Variants in RAD51B observed in about 807,000 individuals in gnomAD.
RAD51B encodes RAD51 paralog B.
RAD51B carries 38 observed loss-of-function variants against 42.2 expected under a neutral mutation model. The observed-to-expected ratio is 0.90, with a 90% CI of 0.70 to 1.18. The LOEUF is 1.18. Ranked by LOEUF, RAD51B falls within the 50% of genes most tolerant of loss-of-function variation. The probability of loss-of-function intolerance (pLI) is 0.00; values close to 1 mark genes in which losing one functional copy is unlikely to be tolerated. For synonymous variants in RAD51B, 154 were observed against 145.2 expected (o/e 1.06, Z -0.43); for missense variants, 373 against 400.7 (o/e 0.93, Z 0.59).
chr14:68,157,714 T>C (rs1346464036), intron 7 of RAD51B, among the ~76,000 whole-genome samples: 2 of 152,224 alleles, frequency 1.3e-5, no homozygotes, highest in Non-Finnish European at 2.9e-5. Flanking sequence ...AAAACAATAA[T>C]AATGGCAATA....
At chr14:68,101,672 C>T (rs924884296) in intron 7 of RAD51B, among the ~76,000 whole-genome samples, 1 of 152,236 alleles carries the variant, frequency 6.6e-6, no homozygotes, top group African/African-American at 2.4e-5. Context: ...AGGGTACAGC[C>T]TCCCTCCCAG....
chr14:68,488,052 G>A (rs950677731), intron 10 of RAD51B, among the ~76,000 whole-genome samples: 3 of 152,136 alleles, frequency 2.0e-5, no homozygotes, highest in African/African-American at 7.2e-5. Flanking sequence ...TGGGGAGGGT[G>A]CATGAGACAG....
At chr14:68,554,871 G>A (rs1197413993) in intron 10 of RAD51B, among the ~76,000 whole-genome samples, 1 of 98,648 alleles carries the variant, frequency 1.0e-5, no homozygotes, top group South Asian at 3.2e-4. Context: ...TTTTTTTTTT[G>A]AGACTCTCAC....
chr14:67,939,977 A>ATAT (rs529025837), intron 7 of RAD51B, among the ~76,000 whole-genome samples: 83 of 140,304 alleles, frequency 5.9e-4, no homozygotes, highest in African/African-American at 2.1e-3. Context: ...ATATATATAT[A>ATAT]AAAAAATAAA....
chr14:68,047,932 C>T (rs984430200), intron 7 of RAD51B, among the ~76,000 whole-genome samples: 1 of 151,774 alleles, frequency 6.6e-6, no homozygotes, highest in East Asian at 1.9e-4. Flanking sequence ...TATTTTTAAC[C>T]GAAATGTTAT....
intron 7 of RAD51B, among the ~76,000 whole-genome samples, chr14:68,279,289 C>T (rs1484969721): frequency 2.0e-5 from 3 of 152,246 alleles, no homozygotes; most frequent in Non-Finnish European, 4.4e-5. Context: ...ATGTGGGCAT[C>T]TGTTCTCGGC....
rs1020274022 is a variant in RAD51B at position 68,419,273 on chromosome 14, GT to G, written c.957+7747del. On this transcript the variant is annotated intron_variant, in intron 9 of 10. Coordinates refer to ENST00000471583, the MANE Select transcript of RAD51B (RefSeq NM_133510.4). ...AAATTCAATTCTTTCAATTCTGAAT[GT>G]GTTGCTATTTTCACTTTACTCTGGT... Among the ~76,000 whole-genome samples the G allele has an allele frequency of 5.4e-4, 82 of 152,250 alleles. 1 individual carries two copies. Among genetic ancestry groups the G allele is most frequent in the African/African-American group, 1.9e-3 (81 of 41,542 alleles).
intron 8 of RAD51B, among the ~76,000 whole-genome samples, chr14:68,307,178 G>T (rs2081884343): frequency 6.6e-6 from 1 of 151,972 alleles, no homozygotes; most frequent in African/African-American, 2.4e-5. Flanking sequence ...AAGCCCCTAG[G>T]CCCTGATCCA....
Position 68,644,141 on chromosome 14 carries a change from A to AG in RAD51B, c.1037-6640_1037-6639insG, listed in dbSNP as rs1892519366. Reference sequence around the variant, plus strand: ...TGACCTTGGCATTGCTGGCATCCTAATTCCTGCAACGAGCATTTACTTGTT... The same window carrying AG: ...TGACCTTGGCATTGCTGGCATCCTAAGTTCCTGCAACGAGCATTTACTTGTT... On this transcript the variant is annotated intron_variant, in intron 10 of 11. Transcript: ENST00000488612. Among the ~76,000 whole-genome samples, 2 of 152,134 alleles carry AG rather than the reference A, an allele frequency of 1.3e-5. 1 individual carries two copies. The highest frequency in any genetic ancestry group is 1.3e-4 in the Admixed American group (2 of 15,276).
intron 9 of RAD51B, among the ~76,000 whole-genome samples, chr14:68,459,527 C>T (rs1419322959): frequency 6.6e-6 from 1 of 152,182 alleles, no homozygotes; most frequent in Non-Finnish European, 1.5e-5. Context: ...GGGCTTCCTC[C>T]CTAATTTCTC....
At chr14:67,867,965 T>C (rs1452005949) in intron 5 of RAD51B, among the ~76,000 whole-genome samples, 1 of 152,202 alleles carries the variant, frequency 6.6e-6, no homozygotes, top group Non-Finnish European at 1.5e-5. Flanking sequence ...TGAGAAAAAG[T>C]TGAAAATAAT....
chr14:68,441,336 A>G (rs2085280841), intron 9 of RAD51B, among the ~76,000 whole-genome samples: 1 of 149,550 alleles, frequency 6.7e-6, no homozygotes, highest in Non-Finnish European at 1.5e-5. Flanking sequence ...AGGTCAGGAG[A>G]TCAAGACCAT....
chr14:68,467,459 C>T (rs1408774631), intron 9 of RAD51B, among the ~76,000 whole-genome samples: 2 of 152,260 alleles, frequency 1.3e-5, no homozygotes, highest in Non-Finnish European at 2.9e-5. Flanking sequence ...AACTCTGTTT[C>T]AGGTATCTAT....
chr14:68,094,537 A>C (rs1367393698), intron 7 of RAD51B, among the ~76,000 whole-genome samples: 1 of 152,256 alleles, frequency 6.6e-6, no homozygotes, highest in Admixed American at 6.5e-5. Context: ...ATATTTTTCA[A>C]AGAAACACTC....
chr14:68,043,144 TATTA>T (rs2076242544), intron 7 of RAD51B, among the ~76,000 whole-genome samples: 1 of 152,246 alleles, frequency 6.6e-6, no homozygotes, highest in African/African-American at 2.4e-5. Context: ...GCTTCAGTTT[TATTA>T]ATTCTCTGGT....
chr14:68,217,021 G>A (rs972413444), intron 7 of RAD51B, among the ~76,000 whole-genome samples: 1 of 152,196 alleles, frequency 6.6e-6, no homozygotes, highest in African/African-American at 2.4e-5. Context: ...CCCAAGTCCT[G>A]TGTCCTCTGG....
intron 10 of RAD51B, among the ~76,000 whole-genome samples, chr14:68,539,325 C>T (rs1254516567): frequency 9.2e-5 from 14 of 152,120 alleles, no homozygotes; most frequent in Admixed American, 9.2e-4. Context: ...ACCTCATGGC[C>T]CCATGCTTCT....
intron 10 of RAD51B, among the ~76,000 whole-genome samples, chr14:68,483,586 CTT>C (rs1434858617): frequency 6.6e-6 from 1 of 152,192 alleles, no homozygotes; most frequent in Non-Finnish European, 1.5e-5. Flanking sequence ...TGTGAAAAGA[CTT>C]TTGGAAATGT....
chr14:68,173,997 A>G (rs1268186420), intron 7 of RAD51B, among the ~76,000 whole-genome samples: 2 of 152,200 alleles, frequency 1.3e-5, no homozygotes, highest in African/African-American at 4.8e-5. Context: ...CAAGTCTTAG[A>G]TTATTTCATT....
Sources: gnomAD v4.1 joint callset for allele counts (sites outside exome capture counted in the v4.1 genomes callset) on GRCh38, gnomAD v4.1.1 for gene constraint, MANE v1.5 for transcripts, NCBI Gene and HGNC (gene_info 2026-07-23, HGNC 2026-07-21) for gene names.